The following IGF1R variants were observed in gnomAD, a reference collection of about 807,000 sequenced individuals.
IGF1R encodes insulin like growth factor 1 receptor.
A neutral mutation model predicts 144.6 loss-of-function variants in IGF1R; 44 were observed. That is an observed-to-expected ratio of 0.30 (90% CI 0.24 to 0.39). IGF1R has a LOEUF of 0.39. IGF1R is among the 10% of genes least tolerant of loss of function. The probability of loss-of-function intolerance (pLI) is 1.00; values close to 1 mark genes in which losing one functional copy is unlikely to be tolerated. For synonymous variants in IGF1R, 795 were observed against 722.8 expected, an observed-to-expected ratio of 1.10 and a Z score of -1.60; for missense variants, 1,355 against 1,833.7, an observed-to-expected ratio of 0.74 and a Z score of 4.77.
chr15:98,812,815 C>G (rs1183686191), intron 2 of IGF1R, among the ~76,000 whole-genome samples: 2 of 152,156 alleles, frequency 1.3e-5, no homozygotes, highest in Non-Finnish European at 2.9e-5. Flanking sequence ...CTGCTTGGGG[C>G]ATTGTCCTTG....
At chr15:98,713,818 C>T (rs1045612) in intron 2 of IGF1R, among the ~76,000 whole-genome samples, 1 of 152,192 alleles carries the variant, frequency 6.6e-6, no homozygotes, top group Non-Finnish European at 1.5e-5. Flanking sequence ...GCAACTAAGT[C>T]TCCAAGTACT....
At chr15:98,896,437 C>G (rs1269120620) in intron 3 of IGF1R, among the ~76,000 whole-genome samples, 1 of 152,208 alleles carries the variant, frequency 6.6e-6, no homozygotes, top group African/African-American at 2.4e-5. Flanking sequence ...AGCACTGTCT[C>G]TCCCACATGG....
At chr15:98,769,720 G>T (rs1172048509) in intron 2 of IGF1R, among the ~76,000 whole-genome samples, 1 of 152,206 alleles carries the variant, frequency 6.6e-6, no homozygotes, top group African/African-American at 2.4e-5. Context: ...CAGTTCCGTT[G>T]TACATTGTTG....
chr15:98,944,407 G>A (rs867404442), intron 19 of IGF1R, among the ~76,000 whole-genome samples: 7 of 152,190 alleles, frequency 4.6e-5, no homozygotes, highest in South Asian at 2.1e-4. Context: ...ATGAATAGGC[G>A]TTTGGTATTC....
chr15:98,710,948 G>A (rs1045387870), intron 2 of IGF1R, among the ~76,000 whole-genome samples: 1 of 152,164 alleles, frequency 6.6e-6, no homozygotes, highest in Admixed American at 6.5e-5. Flanking sequence ...AGGATTACAG[G>A]TGTGAGCCAC....
intron 7 of IGF1R, 93 bp downstream of exon 7, chr15:98,911,534 A>G (rs767354856): frequency 8.9e-5 from 138 of 1,554,822 alleles, no homozygotes; most frequent in Middle Eastern, 2.1e-4. Context: ...GGCTGAATAC[A>G]GGGGGTCAGC....
chr15:98,650,099 C>G (rs2052315366), intron 1 of IGF1R, among the ~76,000 whole-genome samples: 1 of 152,120 alleles, frequency 6.6e-6, no homozygotes, highest in Non-Finnish European at 1.5e-5. Context: ...GCAGCAGCGA[C>G]AGCACCCTGG....
intron 3 of IGF1R, among the ~76,000 whole-genome samples, chr15:98,896,391 T>A (rs1174162578): frequency 6.6e-6 from 1 of 152,202 alleles, no homozygotes; most frequent in Non-Finnish European, 1.5e-5. Context: ...AAAGCAGCTC[T>A]GTTTTCCTCC....
intron 18 of IGF1R, 73 bp downstream of exon 18, chr15:98,939,433 T>C (rs895137711): frequency 2.0e-5 from 29 of 1,472,950 alleles, no homozygotes; most frequent in Non-Finnish European, 2.7e-5. Context: ...GGCATTAGTC[T>C]GCCCCTGGAG....
At chr15:98,674,977 ATTTTTTT>A (rs71149408) in intron 1 of IGF1R, among the ~76,000 whole-genome samples, 19 of 98,906 alleles carry the variant, frequency 1.9e-4, no homozygotes, top group African/African-American at 5.8e-4. Context: ...GTATTTTACA[ATTTTTTT>A]TTTTTTTTTT....
chr15:98,845,236 C>T (rs936287386), intron 2 of IGF1R, among the ~76,000 whole-genome samples: 3 of 152,100 alleles, frequency 2.0e-5, no homozygotes, highest in East Asian at 3.9e-4. Context: ...TTGTGAATTG[C>T]GCCTCAGTAT....
intron 2 of IGF1R, among the ~76,000 whole-genome samples, chr15:98,865,764 TGCTGCCTC>T (rs2012405159): frequency 6.6e-6 from 1 of 152,248 alleles, no homozygotes; most frequent in African/African-American, 2.4e-5. Flanking sequence ...GCACCAGTCA[TGCTGCCTC>T]GCTGGGAAGT....
chr15:98,955,911 A>AGAGATGCTTTTCC (rs1567222134), intron 20 of IGF1R, among the ~76,000 whole-genome samples: 15 of 152,348 alleles, frequency 9.8e-5, no homozygotes, highest in Middle Eastern at 3.4e-3. Flanking sequence ...AGAATTTTAA[A>AGAGATGCTTTTCC]ATAAAGAGGA....
intron 2 of IGF1R, among the ~76,000 whole-genome samples, chr15:98,882,729 C>A (rs773578653): frequency 6.6e-6 from 1 of 152,262 alleles, no homozygotes; most frequent in East Asian, 1.9e-4. Context: ...TACCCTAGTA[C>A]ATTAGGAAGT....
intron 11 of IGF1R, 85 bp downstream of exon 11, chr15:98,922,516 C>A: frequency 1.3e-6 from 2 of 1,515,168 alleles, no homozygotes; most frequent in Non-Finnish European, 1.8e-6. Flanking sequence ...GGGTCTGACA[C>A]CCAGGGCCAT....
intron 1 of IGF1R, among the ~76,000 whole-genome samples, chr15:98,695,383 T>A (rs780606457): frequency 3.3e-5 from 5 of 152,192 alleles, no homozygotes; most frequent in Admixed American, 6.5e-5. Context: ...GCATGCACGA[T>A]GTGTGTGAGA....
intron 2 of IGF1R, among the ~76,000 whole-genome samples, chr15:98,825,687 A>G (rs1390233772): frequency 2.6e-5 from 4 of 152,216 alleles, no homozygotes; most frequent in Non-Finnish European, 4.4e-5. Context: ...TGGTGCCAAA[A>G]AGGTTGGGGA....
chr15:98,953,084 T>G (rs1303722521), intron 20 of IGF1R: 2 of 152,260 alleles, frequency 1.3e-5, no homozygotes, highest in African/African-American at 4.8e-5. Context: ...CCTTGGGAGT[T>G]GCCTTGAAAC....
chr15:98,942,430 C>A (rs1327743301), intron 18 of IGF1R, among the ~76,000 whole-genome samples: 1 of 152,124 alleles, frequency 6.6e-6, no homozygotes, highest in Admixed American at 6.6e-5. Flanking sequence ...ACCTCCAGGG[C>A]TCAAGTGATT....
Sources: allele counts gnomAD v4.1 joint callset (sites outside exome capture counted in the v4.1 genomes callset), GRCh38; gene constraint gnomAD v4.1.1; transcripts MANE v1.5; gene names NCBI Gene and HGNC (gene_info 2026-07-23, HGNC 2026-07-21).